FOXP2: variants seen among roughly 807,000 people sequenced by gnomAD.
FOXP2 encodes the protein forkhead box protein P2.
In FOXP2, 12 loss-of-function variants were observed where a neutral mutation model predicts 115.8. The ratio of observed to expected loss-of-function variants is 0.10; its 90% CI spans 0.07 to 0.17. FOXP2 has a LOEUF of 0.17. Ranked by LOEUF, FOXP2 falls within the 10% of genes least tolerant of loss-of-function variation. The pLI is 1.00. For missense variants in FOXP2, 629 were observed against 843.5 expected, an observed-to-expected ratio of 0.75 and a Z score of 3.15; for synonymous variants, 328 against 297.7, an observed-to-expected ratio of 1.10 and a Z score of -1.05.
At chr7:114,550,508 AAAAC>A (rs972819174) in intron 3 of FOXP2, among the ~76,000 whole-genome samples, 10 of 152,292 alleles carry the variant, frequency 6.6e-5, no homozygotes, top group African/African-American at 1.7e-4. Flanking sequence ...GCACAAGTCA[AAAAC>A]AAACAAAAAA....
chr7:114,176,298 T>TTCTCTCTCTCTCTCTCTCTCTC (rs1554426487), intron 1 of FOXP2, among the ~76,000 whole-genome samples: 86 of 76,566 alleles, frequency 1.1e-3, no homozygotes, highest in African/African-American at 4.0e-3. Flanking sequence ...CTTTCTTTCT[T>TTCTCTCTCTCTCTCTCTCTCTC]TCTCTCTCTC....
At chr7:114,130,729 T>C (rs1455950981) in intron 1 of FOXP2, among the ~76,000 whole-genome samples, 1 of 152,312 alleles carries the variant, frequency 6.6e-6, no homozygotes, top group East Asian at 1.9e-4. Context: ...ATAAATCAGG[T>C]ACTACAGAAA....
intron 3 of FOXP2, among the ~76,000 whole-genome samples, chr7:114,555,343 A>G (rs1271164510): frequency 6.6e-6 from 1 of 152,194 alleles, no homozygotes; most frequent in Non-Finnish European, 1.5e-5. Context: ...TGTTACAGAT[A>G]ATATAGTGCC....
chr7:114,358,265 T>C (rs1791662069), intron 2 of FOXP2, among the ~76,000 whole-genome samples: 1 of 152,194 alleles, frequency 6.6e-6, no homozygotes, highest in South Asian at 2.1e-4. Flanking sequence ...TTGTGAGGCC[T>C]CCCCAGCCAT....
intron 2 of FOXP2, among the ~76,000 whole-genome samples, chr7:114,514,519 A>T (rs906167569): frequency 6.6e-6 from 1 of 151,874 alleles, no homozygotes; most frequent in Non-Finnish European, 1.5e-5. Flanking sequence ...TTGTCTTTCT[A>T]TTCCTGGTTT....
chr7:114,116,730 G>A (rs977443291), intron 1 of FOXP2, among the ~76,000 whole-genome samples: 1 of 152,006 alleles, frequency 6.6e-6, no homozygotes, highest in Non-Finnish European at 1.5e-5. Context: ...ACGTAAAATG[G>A]GTTGGTAATT....
intron 16 of FOXP2, among the ~76,000 whole-genome samples, chr7:114,688,368 A>G (rs2129353686): frequency 6.6e-6 from 1 of 152,176 alleles, no homozygotes. Flanking sequence ...CAAAACCTAG[A>G]GTTTCCCAAT....
intron 3 of FOXP2, among the ~76,000 whole-genome samples, chr7:114,575,318 AG>A (rs1427282965): frequency 1.3e-5 from 2 of 151,888 alleles, no homozygotes; most frequent in African/African-American, 4.8e-5. Context: ...ATAGATGTTG[AG>A]TCAGTATCTG....
At chr7:114,606,789 T>C (rs1056543760) in intron 3 of FOXP2, among the ~76,000 whole-genome samples, 19 of 152,202 alleles carry the variant, frequency 1.2e-4, no homozygotes, top group African/African-American at 2.2e-4. Context: ...TTCTGTATTA[T>C]ATTAACAATC....
intron 2 of FOXP2, among the ~76,000 whole-genome samples, chr7:114,476,236 G>GGATT (rs199698696): frequency 0.012 from 1,829 of 151,794 alleles, 36 homozygotes; most frequent in African/African-American, 0.042. Context: ...TTGTCTTATA[G>GGATT]GATTTTTGTA....
chr7:114,264,330 G>C (rs1795842120), intron 1 of FOXP2, among the ~76,000 whole-genome samples: 1 of 152,112 alleles, frequency 6.6e-6, no homozygotes, highest in Non-Finnish European at 1.5e-5. Flanking sequence ...ATGGGGGGCA[G>C]GATTCTTATT....
At chr7:114,098,332 T>C (rs999810673) in intron 1 of FOXP2, among the ~76,000 whole-genome samples, 13 of 152,172 alleles carry the variant, frequency 8.5e-5, no homozygotes, top group Non-Finnish European at 2.9e-5. Context: ...AAAATTATAT[T>C]ACAAAGCTGT....
chr7:114,285,085 T>C (rs1222848117), intron 1 of FOXP2, among the ~76,000 whole-genome samples: 1 of 152,104 alleles, frequency 6.6e-6, no homozygotes, highest in African/African-American at 2.4e-5. Flanking sequence ...TGTACTAGGC[T>C]CAATACCTGC....
At chr7:114,116,264 G>C (rs190640145) in intron 1 of FOXP2, among the ~76,000 whole-genome samples, 53 of 152,194 alleles carry the variant, frequency 3.5e-4, no homozygotes, top group Middle Eastern at 6.8e-3. Flanking sequence ...TCCAGGATTG[G>C]GCTAGGGAAT....
intron 3 of FOXP2, among the ~76,000 whole-genome samples, chr7:114,541,132 T>A (rs1799642091): frequency 6.6e-6 from 1 of 151,958 alleles, no homozygotes; most frequent in Admixed American, 6.6e-5. Context: ...TTTAGACATG[T>A]TGAGTTTGAG....
chr7:114,546,985 C>T (rs527826807), intron 3 of FOXP2, among the ~76,000 whole-genome samples: 2 of 152,110 alleles, frequency 1.3e-5, no homozygotes, highest in Non-Finnish European at 2.9e-5. Context: ...GTATCACTTC[C>T]ATTCAACTGA....
At chr7:114,401,803 T>C (rs978229554) in intron 2 of FOXP2, among the ~76,000 whole-genome samples, 6 of 152,162 alleles carry the variant, frequency 3.9e-5, no homozygotes, top group African/African-American at 1.4e-4. Context: ...CTTAGTTTGT[T>C]ACCCTAAAGT....
At chr7:114,551,663 G>A (rs1800213401) in intron 3 of FOXP2, among the ~76,000 whole-genome samples, 1 of 152,036 alleles carries the variant, frequency 6.6e-6, no homozygotes, top group African/African-American at 2.4e-5. Context: ...AAATGGGAGA[G>A]TATCACAAAA....
intron 2 of FOXP2, among the ~76,000 whole-genome samples, chr7:114,402,323 G>A (rs183841350): frequency 2.7e-4 from 41 of 152,162 alleles, no homozygotes; most frequent in African/African-American, 9.9e-4. Context: ...TAAAATGAAA[G>A]TAGAAGGATT....
Sources: allele counts gnomAD v4.1 joint callset (sites outside exome capture counted in the v4.1 genomes callset), GRCh38; gene constraint gnomAD v4.1.1; transcripts MANE v1.5; gene names NCBI Gene and HGNC (gene_info 2026-07-23, HGNC 2026-07-21).